Variants in RYR3 observed in about 807,000 individuals in gnomAD.
The protein encoded by RYR3 is brain ryanodine receptor-calcium release channel.
In RYR3, 207 loss-of-function variants were observed where a neutral mutation model predicts 584.3. The observed-to-expected ratio is 0.35, with a 90% CI of 0.32 to 0.40. The LOEUF (loss-of-function observed/expected upper bound fraction) is 0.40, where lower values mean the gene tolerates loss of function less well. RYR3 is among the 10% of genes least tolerant of loss of function. The pLI, the probability that RYR3 is intolerant of heterozygous loss-of-function variation, is 1.00. For missense variants in RYR3, 5,616 were observed against 6,089.2 expected, an observed-to-expected ratio of 0.92 and a Z score of 2.59; for synonymous variants, 2,416 against 2,248.5, an observed-to-expected ratio of 1.07 and a Z score of -2.11.
chr15:33,838,942 A>G lies in RYR3; in HGVS notation c.12962A>G (p.Lys4321Arg), dbSNP rs774239162. The stretch of plus-strand genomic sequence containing the variant: ...CCTACATTAGAGAGTACTGTACAGA[A>G]GAAGAGGAAAGCTCAGGTAAGTGTC... ...EPPTLESTVQKKRKAQAAEMK... is the reference protein window; with the variant it reads ...EPPTLESTVQRKRKAQAAEMK... The change falls in exon 89 of 104, where the codon AAG becomes AGG. Residue 4321 changes from lysine (K) to arginine (R), a missense_variant. This residue lies in a region of RYR3 where 918 missense variants were observed against 887.4 expected (regional missense o/e 1.03). Coordinates refer to ENST00000634891, the MANE Select transcript of RYR3 (RefSeq NM_001036.6). 7 of 1,608,924 alleles carry G rather than the reference A, an allele frequency of 4.4e-6. No individual in the cohort carries two copies. The highest frequency in any genetic ancestry group is 5.9e-6 in the Non-Finnish European group (7 of 1,178,088).
Position 33,742,466 on chromosome 15 carries a change from A to G in RYR3, c.7899+22A>G, listed in dbSNP as rs1357293721. 6.6e-6 allele frequency: 10 copies of G among 1,522,980 alleles called. 1 individual carries two copies. The African/African-American group carries it at 1.1e-4, about 17-fold the overall frequency. 94.3% of individuals were successfully genotyped at this position (1,522,980 alleles called of 1,614,324 possible). A position where few individuals can be genotyped will look rare whatever the true frequency, so the allele number is the denominator to read the frequency against. ...CAAGGTAGGGATTATCATCCAACTGACAATCGTCAGGAAGGAAAAACAGCC... is the reference window on the plus strand; with the variant it reads ...CAAGGTAGGGATTATCATCCAACTGGCAATCGTCAGGAAGGAAAAACAGCC... On this transcript the variant is annotated intron_variant, in intron 52 of 103. Transcript: ENST00000634891.
chr15:33,611,916 C>T lies in RYR3; in HGVS notation c.2165-1267C>T, dbSNP rs150398904. Among the ~76,000 whole-genome samples, 177 of 152,288 alleles carry T rather than the reference C, an allele frequency of 1.2e-3. 10 individuals carry two copies. In the East Asian group the frequency reaches 0.033, roughly 28 times the overall value. On this transcript the variant is annotated intron_variant, in intron 18 of 103. Coordinates refer to ENST00000634891, the MANE Select transcript of RYR3 (RefSeq NM_001036.6). ...TCAAGCGATCTGCCTGCCTTGGCCA[C>T]CCAAAGTGCTGGGATTATAGGCATG...
chr15:33,789,624 T>TTTTATATATA (rs1258454158), intron 67 of RYR3, among the ~76,000 whole-genome samples: 5 of 11,694 alleles, frequency 4.3e-4, no homozygotes, highest in African/African-American at 1.1e-3. Context: ...AGGTTTTATT[T>TTTTATATATA]TATATATATA....
intron 38 of RYR3, among the ~76,000 whole-genome samples, chr15:33,676,494 C>T (rs2064186468): frequency 6.6e-6 from 1 of 152,166 alleles, no homozygotes; most frequent in Non-Finnish European, 1.5e-5. Context: ...CATATCCTGG[C>T]ACCCAGTTAG....
Position 33,707,079 on chromosome 15 carries a change from T to C in RYR3, c.6619+25T>C, listed in dbSNP as rs988833355. 3 of 1,613,064 alleles carry C rather than the reference T, an allele frequency of 1.9e-6. No homozygotes were observed. In the African/African-American group the frequency reaches 4.0e-5, roughly 22 times the overall value. ...AGTGAGTCCCACATTTTTCCATACCTCTTATACCCAGAATAGCATGATCGT... is the reference window on the plus strand; with the variant it reads ...AGTGAGTCCCACATTTTTCCATACCCCTTATACCCAGAATAGCATGATCGT... On this transcript the variant is annotated intron_variant, in intron 43 of 103. Coordinates refer to ENST00000634891, the MANE Select transcript of RYR3 (RefSeq NM_001036.6).
At chr15:33,745,061 A>G (rs2070551285) in intron 52 of RYR3, among the ~76,000 whole-genome samples, 1 of 152,170 alleles carries the variant, frequency 6.6e-6, no homozygotes, top group South Asian at 2.1e-4. Flanking sequence ...CTGAACTAAC[A>G]TACTAGCAGG....
intron 42 of RYR3, among the ~76,000 whole-genome samples, chr15:33,703,157 C>G (rs544109168): frequency 3.9e-5 from 6 of 152,244 alleles, no homozygotes; most frequent in African/African-American, 1.4e-4. Flanking sequence ...ACCAATAATT[C>G]GTTGACATTT....
chr15:33,374,592 T>C (rs1346797469), intron 1 of RYR3, among the ~76,000 whole-genome samples: 2 of 152,192 alleles, frequency 1.3e-5, no homozygotes, highest in Non-Finnish European at 2.9e-5. Context: ...CAGATCACAC[T>C]TGACCCTTTG....
chr15:33,769,360 G>A (rs2073379839), intron 62 of RYR3, among the ~76,000 whole-genome samples, 188 bp downstream of exon 62: 2 of 152,174 alleles, frequency 1.3e-5, no homozygotes, highest in African/African-American at 4.8e-5. Flanking sequence ...CCACTGCCAT[G>A]GCATAGACGG....
intron 91 of RYR3, among the ~76,000 whole-genome samples, chr15:33,842,752 C>A (rs984776767): frequency 6.6e-6 from 1 of 152,184 alleles, no homozygotes; most frequent in Admixed American, 6.5e-5. Context: ...ATGGCTACAT[C>A]CAGGTTGGGA....
intron 2 of RYR3, among the ~76,000 whole-genome samples, chr15:33,475,081 C>T (rs2049262586): frequency 6.6e-6 from 1 of 151,474 alleles, no homozygotes; most frequent in Non-Finnish European, 1.5e-5. Flanking sequence ...TTTTTCATTC[C>T]CGGCAGTCTG....
intron 1 of RYR3, among the ~76,000 whole-genome samples, chr15:33,393,626 C>T (rs569783770): frequency 1.3e-5 from 2 of 152,156 alleles, no homozygotes; most frequent in African/African-American, 2.4e-5. Flanking sequence ...AATTCGACAA[C>T]AAAGGGTGAT....
chr15:33,670,609 G>A (rs2063787009), intron 38 of RYR3, 53 bp downstream of exon 38: 23 of 1,503,566 alleles, frequency 1.5e-5, no homozygotes, highest in African/African-American at 2.8e-5. Flanking sequence ...CTTAATTAAT[G>A]TAACTTTTTT....
intron 2 of RYR3, among the ~76,000 whole-genome samples, chr15:33,487,436 G>A (rs2050548520): frequency 1.3e-5 from 2 of 152,200 alleles, no homozygotes; most frequent in Admixed American, 1.3e-4. Context: ...GTCTTCTGGA[G>A]CATGGTGGGC....
intron 17 of RYR3, among the ~76,000 whole-genome samples, chr15:33,602,268 G>A (rs2059699853): frequency 6.6e-6 from 1 of 152,106 alleles, no homozygotes; most frequent in Non-Finnish European, 1.5e-5. Flanking sequence ...CCCAAAATAG[G>A]GCATAGCTCC....
chr15:33,672,946 G>T (rs1425686924), intron 38 of RYR3, among the ~76,000 whole-genome samples: 1 of 152,082 alleles, frequency 6.6e-6, no homozygotes, highest in Non-Finnish European at 1.5e-5. Flanking sequence ...CCAGAAAAAC[G>T]TCCGGGTGTC....
intron 1 of RYR3, among the ~76,000 whole-genome samples, chr15:33,423,299 CAG>C (rs2044367980): frequency 6.6e-6 from 1 of 152,186 alleles, no homozygotes; most frequent in South Asian, 2.1e-4. Flanking sequence ...AAAATGTTTC[CAG>C]AGTTTATCCA....
At chr15:33,770,751 A>G (rs1256735357) in intron 62 of RYR3, among the ~76,000 whole-genome samples, 3 of 151,990 alleles carry the variant, frequency 2.0e-5, no homozygotes, top group African/African-American at 7.3e-5. Context: ...AAAAAGTTAG[A>G]AAGATAGCCC....
chr15:33,571,133 C>G (rs1265493116), intron 12 of RYR3, among the ~76,000 whole-genome samples: 1 of 117,512 alleles, frequency 8.5e-6, no homozygotes, highest in Non-Finnish European at 1.6e-5. Context: ...AACAGACATT[C>G]TTGTCTTGTT....
Sources: allele counts gnomAD v4.1 joint callset (sites outside exome capture counted in the v4.1 genomes callset), GRCh38; gene constraint gnomAD v4.1.1; regional missense constraint gnomAD v4.1.1; transcripts MANE v1.5; gene names NCBI Gene and HGNC (gene_info 2026-07-23, HGNC 2026-07-21).